AGAP1: variants seen among roughly 807,000 people sequenced by gnomAD.
The protein encoded by AGAP1 is ArfGAP with GTPase domain, ankyrin repeat and PH domain 1.
Under a neutral mutation model 105.3 loss-of-function variants are expected in AGAP1, and 29 were observed. That is an observed-to-expected ratio of 0.28 (90% CI 0.21 to 0.38). AGAP1 has a LOEUF of 0.38. AGAP1 is among the 10% of genes least tolerant of loss of function. The pLI, the probability that AGAP1 is intolerant of heterozygous loss-of-function variation, is 1.00. For missense variants in AGAP1, 998 were observed against 1,165.1 expected (o/e 0.86, Z 2.09); for synonymous variants, 509 against 485.9 (o/e 1.05, Z -0.63).
At chr2:236,077,138 A>ATATATATAT (rs1176952323) in intron 16 of AGAP1, among the ~76,000 whole-genome samples, 7 of 139,236 alleles carry the variant, frequency 5.0e-5, no homozygotes, top group African/African-American at 2.0e-4. Context: ...AAAAAAAAAA[A>ATATATATAT]AAAAATATAT....
In AGAP1 at chr2:235,559,987, T is replaced by A. The variant is rs1244375349; in HGVS notation, c.163+65138T>A. On this transcript the variant is annotated intron_variant, in intron 1 of 17. Transcript: ENST00000304032. The surrounding 1 kb of genome is among the most constrained non-coding windows in gnomAD (Gnocchi z 5.7). ...TTTGAGGTACTAAAGCTTTTAATTTTAATGAAATCTAATTTACCTGTTTTT... is the reference window on the plus strand; with the variant it reads ...TTTGAGGTACTAAAGCTTTTAATTTAAATGAAATCTAATTTACCTGTTTTT... 6.6e-6 allele frequency among the ~76,000 whole-genome samples: 1 copy of A among 152,174 alleles called. No homozygotes were observed. The highest frequency in any genetic ancestry group is 2.4e-5 in the African/African-American group (1 of 41,454).
intron 8 of AGAP1, among the ~76,000 whole-genome samples, chr2:235,800,266 T>A (rs1312593312): frequency 1.5e-5 from 2 of 133,134 alleles, no homozygotes; most frequent in Non-Finnish European, 3.3e-5. Context: ...GTGTGGCTAA[T>A]TTTTTTTTTT....
At chr2:235,511,988 G>A (rs1163471239) in intron 1 of AGAP1, among the ~76,000 whole-genome samples, 5 of 112,664 alleles carry the variant, frequency 4.4e-5, no homozygotes, top group Admixed American at 2.5e-4. Flanking sequence ...GTGTGAATGC[G>A]TGTGTGAATG....
chr2:235,644,267 AT>A (rs1385368072), intron 1 of AGAP1, among the ~76,000 whole-genome samples: 2 of 152,180 alleles, frequency 1.3e-5, no homozygotes, highest in Non-Finnish European at 2.9e-5. Context: ...TGATTAGATA[AT>A]ACTGAGTGAG....
rs1188850613 is a variant in AGAP1 at position 235,981,814 on chromosome 2, G to A, written c.1645+13191G>A. Among the ~76,000 whole-genome samples the A allele has an allele frequency of 6.6e-6, 1 of 152,216 alleles. No homozygotes were observed. The highest frequency in any genetic ancestry group is 1.5e-5 in the Non-Finnish European group (1 of 68,030). On this transcript the variant is annotated intron_variant, in intron 13 of 17. Transcript: ENST00000304032. The surrounding 1 kb of genome is among the most constrained non-coding windows in gnomAD (Gnocchi z 5.5). ...AAGCAGCGATAGGGCCACCGATCCA[G>A]GCGAGGGCAGCAGTGCTCGCCGCCT...
rs1047338084 is a variant in AGAP1, at chr2:235,777,666, G to A, written c.674-20093G>A. 1.2e-4 allele frequency among the ~76,000 whole-genome samples: 19 copies of A among 152,156 alleles called. No homozygotes were observed. Among genetic ancestry groups the A allele is most frequent in the African/African-American group, 4.1e-4 (17 of 41,422 alleles). ...GTGCCTTCAGCTGTCACCTGAGCAC[G>A]TTCAAGCCTCCTGCCCAGCACCTTC... On this transcript the variant is annotated intron_variant, in intron 6 of 17. Transcript: ENST00000304032. The surrounding 1 kb of genome is among the most constrained non-coding windows in gnomAD (Gnocchi z 5.1).
chr2:236,027,507 G>A lies in AGAP1; in HGVS notation c.1646-9054G>A, dbSNP rs1407409977. On this transcript the variant is annotated intron_variant, in intron 13 of 17. Coordinates refer to ENST00000304032, the MANE Select transcript of AGAP1 (RefSeq NM_001037131.3). This position sits in a 1 kb window ranked among gnomAD's most constrained non-coding sequence, Gnocchi z 4.4. ...CTGAGCATGTAGGGTTCCATCTCCC[G>A]CCTCTGCCCTGCCTCCCCCAGGGCA... 1.3e-5 allele frequency among the ~76,000 whole-genome samples: 2 copies of A among 152,058 alleles called. No homozygotes were observed. Among genetic ancestry groups the A allele is most frequent in the African/African-American group, 2.4e-5 (1 of 41,424 alleles).
intron 9 of AGAP1, among the ~76,000 whole-genome samples, chr2:235,821,753 T>G (rs945480199): frequency 2.0e-5 from 3 of 152,244 alleles, no homozygotes; most frequent in Non-Finnish European, 4.4e-5. Flanking sequence ...TGAAATGTTC[T>G]TTTTAATCTC....
At position 235,874,242 on chromosome 2, in the gene AGAP1, G is replaced by T. The variant is rs562816911; in HGVS notation, c.1051-9103G>T. Among the ~76,000 whole-genome samples the T allele has an allele frequency of 8.6e-5, 13 of 151,656 alleles. No individual in the cohort carries two copies. Among genetic ancestry groups the T allele is most frequent in the Non-Finnish European group, 1.5e-4 (10 of 67,944 alleles). On this transcript the variant is annotated intron_variant, in intron 9 of 17. Coordinates refer to ENST00000304032, the MANE Select transcript of AGAP1 (RefSeq NM_001037131.3). The surrounding 1 kb of genome is among the most constrained non-coding windows in gnomAD (Gnocchi z 4.5). The stretch of plus-strand genomic sequence containing the variant: ...ATTTTTTGCATTTTACTAGAGACGG[G>T]GTTTCACCATGTTTACCGGGATGGT...
At chr2:235,764,409 A>T (rs890922875) in intron 6 of AGAP1, among the ~76,000 whole-genome samples, 3 of 152,040 alleles carry the variant, frequency 2.0e-5, no homozygotes, top group African/African-American at 4.8e-5. Context: ...CTCATTGTCC[A>T]TCTGGACTGG....
In AGAP1 at chr2:235,700,256, C is replaced by G. The variant is rs1950185053; in HGVS notation, c.164-8923C>G. Among the ~76,000 whole-genome samples the G allele has an allele frequency of 6.6e-6, 1 of 152,190 alleles. No individual in the cohort carries two copies. Among genetic ancestry groups the G allele is most frequent in the Non-Finnish European group, 1.5e-5 (1 of 68,036 alleles). ...AAGGAAATGCGGAAGATAATCCCAG[C>G]AGTGCAGGAGAGCTGTGCTCCACTC... On this transcript the variant is annotated intron_variant, in intron 1 of 17. Coordinates refer to ENST00000304032, the MANE Select transcript of AGAP1 (RefSeq NM_001037131.3). This position sits in a 1 kb window ranked among gnomAD's most constrained non-coding sequence, Gnocchi z 6.1.
rs1953522852 is a variant in AGAP1, at chr2:235,752,439, A to G, written c.673+1951A>G. On this transcript the variant is annotated intron_variant, in intron 6 of 17. Transcript: ENST00000304032. This position sits in a 1 kb window ranked among gnomAD's most constrained non-coding sequence, Gnocchi z 4.3. ...GGCAATCTGCCCACCTTGGCCTCCC[A>G]AAGTGCTAGGATTATAGGCATGAGC... Among the ~76,000 whole-genome samples, 1 of 152,148 alleles carries G rather than the reference A, an allele frequency of 6.6e-6. No individual in the cohort carries two copies. Among genetic ancestry groups the G allele is most frequent in the Non-Finnish European group, 1.5e-5 (1 of 68,026 alleles).
At position 235,971,646 on chromosome 2, in the gene AGAP1, C is replaced by T. The variant is rs1270272207; in HGVS notation, c.1645+3023C>T. Among the ~76,000 whole-genome samples, 4 of 150,802 alleles carry T rather than the reference C, an allele frequency of 2.7e-5. No homozygotes were observed. Among genetic ancestry groups the T allele is most frequent in the African/African-American group, 7.3e-5 (3 of 40,966 alleles). On this transcript the variant is annotated intron_variant, in intron 13 of 17. Transcript: ENST00000304032. The surrounding 1 kb of genome is among the most constrained non-coding windows in gnomAD (Gnocchi z 4.8). ...TGGAGCTTGCAGTGAGCCGGGATGG[C>T]GCCACTGCGCTCCAGCCTGGGCGAC...
intron 1 of AGAP1, among the ~76,000 whole-genome samples, chr2:235,523,129 TGG>T (rs202018536): frequency 2.8e-4 from 42 of 149,816 alleles, no homozygotes; most frequent in African/African-American, 1.0e-3. Context: ...CCTCTCATGG[TGG>T]AGAGAGAGAG....
At chr2:235,670,932 G>T (rs1455807242) in intron 1 of AGAP1, 7 of 1,322,746 alleles carry the variant, frequency 5.3e-6, no homozygotes, top group East Asian at 3.1e-5. Context: ...AGGGACGGGG[G>T]CCCGGGCGGC....
chr2:235,834,748 G>A (rs897977520), intron 9 of AGAP1, among the ~76,000 whole-genome samples: 2 of 152,146 alleles, frequency 1.3e-5, no homozygotes, highest in South Asian at 2.1e-4. Context: ...GAGAGTCTCC[G>A]AAGTTAGACA....
At chr2:235,768,482 A>T (rs1344613282) in intron 6 of AGAP1, among the ~76,000 whole-genome samples, 1 of 152,248 alleles carries the variant, frequency 6.6e-6, no homozygotes. Flanking sequence ...AAGTTAAGTA[A>T]AAGTGGGTAT....
chr2:235,761,008 G>A (rs541380134), intron 6 of AGAP1, among the ~76,000 whole-genome samples: 32 of 152,272 alleles, frequency 2.1e-4, no homozygotes, highest in Admixed American at 2.0e-3. Context: ...TGCTCCATAC[G>A]CTACAGATGG....
rs543161501 is a variant in AGAP1, at chr2:235,633,375, C to T, written c.164-75804C>T. ...TTGGGAGGCCAAGGTGGGTGGATCA[C>T]CTGAGGTCAGGAGTTCAAGACCAGT... On this transcript the variant is annotated intron_variant, in intron 1 of 17. Transcript: ENST00000304032. The surrounding 1 kb of genome is among the most constrained non-coding windows in gnomAD (Gnocchi z 4.8). Among the ~76,000 whole-genome samples, 2 of 152,168 alleles carry T rather than the reference C, an allele frequency of 1.3e-5. No homozygotes were observed. Among genetic ancestry groups the T allele is most frequent in the East Asian group, 1.9e-4 (1 of 5,152 alleles).
Sources: gnomAD v4.1 joint callset for allele counts (sites outside exome capture counted in the v4.1 genomes callset) on GRCh38, gnomAD v4.1.1 for gene constraint, Gnocchi (gnomAD v3.1) non-coding constraint, MANE v1.5 for transcripts, NCBI Gene and HGNC (gene_info 2026-07-23, HGNC 2026-07-21) for gene names.